The following TRIM24 variants were observed in gnomAD, a reference collection of about 807,000 sequenced individuals.
TRIM24 encodes the protein transcription intermediary factor 1-alpha.
Under a neutral mutation model 123.9 loss-of-function variants are expected in TRIM24, and 29 were observed. The ratio of observed to expected loss-of-function variants is 0.23; its 90% confidence interval spans 0.17 to 0.32. The LOEUF (loss-of-function observed/expected upper bound fraction) is 0.32, where lower values mean the gene tolerates loss of function less well. Among genes scored for constraint, TRIM24 ranks in the 10% least tolerant of loss-of-function variants. The probability of loss-of-function intolerance (pLI) is 1.00; values close to 1 mark genes in which losing one functional copy is unlikely to be tolerated. For missense variants in TRIM24, 932 were observed against 1,295.3 expected, an observed-to-expected ratio of 0.72 and a Z score of 4.31; for synonymous variants, 456 against 461.1, an observed-to-expected ratio of 0.99 and a Z score of 0.14.
chr7:138,554,374 C>T lies in TRIM24; in HGVS notation c.1262-324C>T, dbSNP rs1797274196. Among the ~76,000 whole-genome samples, 1 of 152,206 alleles carries T rather than the reference C, an allele frequency of 6.6e-6. No homozygotes were observed. Among genetic ancestry groups the T allele is most frequent in the African/African-American group, 2.4e-5 (1 of 41,544 alleles). ...AGACATTCAAACAGATTTTTTAAAA[C>T]ATCAAACAGTATTTTAAAATATCAA... On this transcript the variant is annotated intron_variant, in intron 8 of 18. Coordinates refer to ENST00000343526, the MANE Select transcript of TRIM24 (RefSeq NM_015905.3). This position sits in a 1 kb window ranked among gnomAD's most constrained non-coding sequence, Gnocchi z 4.5.
chr7:138,492,258 A>G (rs1161245268), intron 1 of TRIM24, among the ~76,000 whole-genome samples: 1 of 137,226 alleles, frequency 7.3e-6, no homozygotes, highest in African/African-American at 2.8e-5. Context: ...GGGCAACAGG[A>G]TAATACTCTG....
intron 1 of TRIM24, among the ~76,000 whole-genome samples, chr7:138,501,040 G>A (rs1015563125): frequency 1.3e-5 from 2 of 152,052 alleles, no homozygotes; most frequent in South Asian, 2.1e-4. Flanking sequence ...TGCTCTGAAT[G>A]AGTCAGGGAG....
chr7:138,517,510 A>C (rs1796425402), intron 3 of TRIM24, among the ~76,000 whole-genome samples: 1 of 152,114 alleles, frequency 6.6e-6, no homozygotes, highest in East Asian at 1.9e-4. Flanking sequence ...AGCTGGGATT[A>C]TGTAATCCCT....
chr7:138,500,907 A>G (rs937362217), intron 1 of TRIM24, among the ~76,000 whole-genome samples: 1 of 152,096 alleles, frequency 6.6e-6, no homozygotes, highest in Non-Finnish European at 1.5e-5. Flanking sequence ...TTCATCTGTA[A>G]CGCAATGGTA....
Position 138,563,109 on chromosome 7 carries a change from G to T in TRIM24, c.1531-4372G>T, listed in dbSNP as rs531286986. ...TTACTACCAGCTATTCAGCCCCATT[G>T]TCCACCATAAAGTCCATTAGCTGGC... On this transcript the variant is annotated intron_variant, in intron 9 of 18. Coordinates refer to ENST00000343526, the MANE Select transcript of TRIM24 (RefSeq NM_015905.3). Among the ~76,000 whole-genome samples, 41 of 152,246 alleles carry T rather than the reference G, an allele frequency of 2.7e-4. 1 individual carries two copies. In the East Asian group the frequency reaches 6.4e-3, roughly 24 times the overall value.
intron 7 of TRIM24, among the ~76,000 whole-genome samples, chr7:138,544,273 T>G (rs1243949189): frequency 6.6e-6 from 1 of 152,226 alleles, no homozygotes; most frequent in Non-Finnish European, 1.5e-5. Context: ...TATACAGTAT[T>G]TTCATTTCTG....
chr7:138,478,631 C>G (rs1168693274), intron 1 of TRIM24, among the ~76,000 whole-genome samples: 1 of 152,116 alleles, frequency 6.6e-6, no homozygotes, highest in Non-Finnish European at 1.5e-5. Flanking sequence ...TGCATGCTAC[C>G]ACACCCAGCT....
intron 1 of TRIM24, among the ~76,000 whole-genome samples, chr7:138,489,559 C>T (rs1176790105): frequency 6.6e-6 from 1 of 152,152 alleles, no homozygotes; most frequent in Non-Finnish European, 1.5e-5. Context: ...ACAAAAATCT[C>T]TCAGCATTTT....
intron 1 of TRIM24, among the ~76,000 whole-genome samples, chr7:138,503,288 G>T (rs1049075586): frequency 2.0e-5 from 3 of 152,114 alleles, no homozygotes; most frequent in Admixed American, 2.0e-4. Flanking sequence ...TGAATCTATA[G>T]ATATGTTTGT....
At chr7:138,515,491 A>G in intron 3 of TRIM24, 132 bp downstream of exon 3, 2 of 1,103,774 alleles carry the variant, frequency 1.8e-6, no homozygotes, top group South Asian at 2.1e-5. Context: ...AGAGGTTTAT[A>G]TTATCGAAAT....
chr7:138,562,604 G>A (rs542022552), intron 9 of TRIM24, among the ~76,000 whole-genome samples: 5 of 152,216 alleles, frequency 3.3e-5, no homozygotes, highest in East Asian at 1.9e-4. Context: ...TATGGCTTCC[G>A]GGAAAACCAG....
chr7:138,540,052 C>T (rs907237456), intron 7 of TRIM24, among the ~76,000 whole-genome samples: 2 of 152,180 alleles, frequency 1.3e-5, no homozygotes, highest in Middle Eastern at 3.4e-3. Context: ...CACCCGCCTT[C>T]GCCTCCCAAA....
chr7:138,581,980 CTTTCTTT>C (rs1430528946), intron 17 of TRIM24, among the ~76,000 whole-genome samples: 6 of 152,050 alleles, frequency 3.9e-5, no homozygotes, highest in African/African-American at 1.4e-4. Flanking sequence ...ATTCTTTCTT[CTTTCTTT>C]TCTCATCTAT....
chr7:138,496,492 T>C (rs1002187547), intron 1 of TRIM24, among the ~76,000 whole-genome samples: 1 of 152,224 alleles, frequency 6.6e-6, no homozygotes, highest in Admixed American at 6.5e-5. Context: ...TGGACATCCT[T>C]GCCTTCTTCC....
At chr7:138,472,860 C>T (rs1795301981) in intron 1 of TRIM24, among the ~76,000 whole-genome samples, 2 of 152,282 alleles carry the variant, frequency 1.3e-5, no homozygotes, top group South Asian at 4.1e-4. Context: ...CATTCTGACA[C>T]AAGCTCTTAA....
chr7:138,515,574 C>T (rs1455974959), intron 3 of TRIM24, among the ~76,000 whole-genome samples: 1 of 152,154 alleles, frequency 6.6e-6, no homozygotes, highest in African/African-American at 2.4e-5. Context: ...GCCTGTCCTC[C>T]TGCTTCTATA....
chr7:138,533,031 T>TA (rs1796782172), intron 6 of TRIM24, among the ~76,000 whole-genome samples: 2 of 152,230 alleles, frequency 1.3e-5, no homozygotes, highest in African/African-American at 4.8e-5. Context: ...TATTGGTGTA[T>TA]AAGAATGCTT....
intron 3 of TRIM24, among the ~76,000 whole-genome samples, chr7:138,517,990 T>G (rs536629656): frequency 6.6e-6 from 1 of 152,332 alleles, no homozygotes; most frequent in East Asian, 1.9e-4. Context: ...TTTAGCTTTT[T>G]TCTGTATGAA....
intron 1 of TRIM24, among the ~76,000 whole-genome samples, chr7:138,489,997 G>T (rs1178783012): frequency 1.3e-5 from 2 of 152,182 alleles, no homozygotes; most frequent in African/African-American, 2.4e-5. Context: ...CCGATCAGAC[G>T]TAGATTTGGT....
Sources: gnomAD v4.1 joint callset for allele counts (sites outside exome capture counted in the v4.1 genomes callset) on GRCh38, gnomAD v4.1.1 for gene constraint, Gnocchi (gnomAD v3.1) non-coding constraint, MANE v1.5 for transcripts, NCBI Gene and HGNC (gene_info 2026-07-23, HGNC 2026-07-21) for gene names.